TNFRSF11B: variants seen among roughly 807,000 people sequenced by gnomAD.
TNFRSF11B encodes TNF receptor superfamily member 11b.
In TNFRSF11B, 16 loss-of-function variants were observed where a neutral mutation model predicts 43.4. The ratio of observed to expected loss-of-function variants is 0.37; its 90% CI spans 0.25 to 0.56. The LOEUF (loss-of-function observed/expected upper bound fraction) is 0.56, where lower values mean the gene tolerates loss of function less well. Ranked by LOEUF, TNFRSF11B falls within the 20% of genes least tolerant of loss-of-function variation. The pLI, the probability that TNFRSF11B is intolerant of heterozygous loss-of-function variation, is 0.80. For missense variants in TNFRSF11B, 444 were observed against 490.1 expected (o/e 0.91, Z 0.89); for synonymous variants, 185 against 181.8 (o/e 1.02, Z -0.14).
chr8:118,950,085 AT>A (rs1441511412), intron 1 of TNFRSF11B, among the ~76,000 whole-genome samples: 1 of 152,244 alleles, frequency 6.6e-6, no homozygotes, highest in Non-Finnish European at 1.5e-5. Context: ...CAGACCACAT[AT>A]AAAAATATTT....
intron 3 of TNFRSF11B, 90 bp from the exon 4 acceptor site, chr8:118,926,808 C>T (rs1812251721): frequency 2.1e-5 from 26 of 1,215,472 alleles, no homozygotes; most frequent in South Asian, 1.7e-4. Context: ...AAAACCAACA[C>T]AATTGAATTT....
intron 1 of TNFRSF11B, among the ~76,000 whole-genome samples, chr8:118,945,926 G>A (rs1396154923): frequency 6.6e-6 from 1 of 152,076 alleles, no homozygotes; most frequent in Non-Finnish European, 1.5e-5. Context: ...CTGAATTGGA[G>A]TAGAAATCTT....
intron 1 of TNFRSF11B, among the ~76,000 whole-genome samples, chr8:118,946,339 G>A (rs567558510): frequency 1.3e-5 from 2 of 152,232 alleles, no homozygotes; most frequent in Admixed American, 6.5e-5. Context: ...TAGCTAATGT[G>A]TTGTAACACT....
intron 1 of TNFRSF11B, among the ~76,000 whole-genome samples, chr8:118,945,056 TAA>T (rs912991727): frequency 5.9e-5 from 9 of 152,166 alleles, no homozygotes; most frequent in African/African-American, 2.2e-4. Context: ...CTAAAATATA[TAA>T]GTCATACTAC....
chr8:118,944,072 G>GCTTACCCT (rs1158925492), intron 1 of TNFRSF11B, among the ~76,000 whole-genome samples: 7 of 152,248 alleles, frequency 4.6e-5, no homozygotes, highest in African/African-American at 1.7e-4. Flanking sequence ...AATGTTCTTT[G>GCTTACCCT]CAGTTGCTTA....
intron 1 of TNFRSF11B, among the ~76,000 whole-genome samples, chr8:118,949,527 A>G (rs185945145): frequency 3.2e-4 from 48 of 152,350 alleles, no homozygotes; most frequent in Non-Finnish European, 5.4e-4. Flanking sequence ...TCAAGAAGTA[A>G]CTTGGCCACA....
chr8:118,931,356 C>T (rs1812325725), intron 2 of TNFRSF11B, among the ~76,000 whole-genome samples: 1 of 152,142 alleles, frequency 6.6e-6, no homozygotes, highest in South Asian at 2.1e-4. Flanking sequence ...TCTGAGTCTT[C>T]TGGCTGCCTG....
chr8:118,950,465 T>C (rs1051202540), intron 1 of TNFRSF11B, among the ~76,000 whole-genome samples: 10 of 152,230 alleles, frequency 6.6e-5, no homozygotes, highest in African/African-American at 2.4e-4. Flanking sequence ...AATTCATCTA[T>C]GTTGTTCAAA....
intron 1 of TNFRSF11B, among the ~76,000 whole-genome samples, chr8:118,939,741 G>A (rs1812453790): frequency 6.6e-6 from 1 of 152,156 alleles, no homozygotes. Flanking sequence ...CTATGTATTG[G>A]GAACTCAGGA....
rs1394007356 is a variant in TNFRSF11B at position 118,951,884 on chromosome 8, C to T, written c.-63G>A. 9.6e-6 allele frequency: 14 copies of T among 1,454,594 alleles called. No individual in the cohort carries two copies. The highest frequency in any genetic ancestry group is 1.2e-5 in the Non-Finnish European group (13 of 1,057,800). The allele number at this position is 1,454,594 out of a possible 1,614,324, so 90.1% of individuals were successfully genotyped here. A position where few individuals can be genotyped will look rare whatever the true frequency, so the allele number is the denominator to read the frequency against. On this transcript the variant is annotated 5_prime_UTR_variant, in exon 1 of 5. Transcript: ENST00000297350. ...GCTGGGCGAGCGCTCCGGTGCGTCTCCGCAGCCCGTGCGCTCATCACGTTA... is the reference window on the plus strand; with the variant it reads ...GCTGGGCGAGCGCTCCGGTGCGTCTTCGCAGCCCGTGCGCTCATCACGTTA...
chr8:118,941,175 C>G (rs1427777797), intron 1 of TNFRSF11B, among the ~76,000 whole-genome samples: 1 of 152,148 alleles, frequency 6.6e-6, no homozygotes, highest in African/African-American at 2.4e-5. Flanking sequence ...TTTGTATGTA[C>G]TGTTCCATTT....
chr8:118,932,083 G>A (rs967999070), intron 2 of TNFRSF11B, among the ~76,000 whole-genome samples: 3 of 152,148 alleles, frequency 2.0e-5, no homozygotes, highest in Admixed American at 6.5e-5. Context: ...GAGAAACACT[G>A]CTTCAAACTG....
chr8:118,939,961 G>T (rs1481301238), intron 1 of TNFRSF11B, among the ~76,000 whole-genome samples: 1 of 152,112 alleles, frequency 6.6e-6, no homozygotes, highest in Non-Finnish European at 1.5e-5. Context: ...TTTTAAAAAG[G>T]GTGCTAAGTG....
chr8:118,926,795 C>A (rs1441418637), intron 3 of TNFRSF11B, 77 bp from the exon 4 acceptor site: 9 of 1,301,146 alleles, frequency 6.9e-6, no homozygotes, highest in Admixed American at 6.0e-5. Context: ...CAAACAAAAA[C>A]AAAAAACCAA....
chr8:118,951,047 A>G (rs1177564323), intron 1 of TNFRSF11B, among the ~76,000 whole-genome samples: 1 of 152,200 alleles, frequency 6.6e-6, no homozygotes. Flanking sequence ...TCAAAACCTA[A>G]GCTTAAAAAA....
chr8:118,931,594 C>T (rs1015121645), intron 2 of TNFRSF11B, among the ~76,000 whole-genome samples: 8 of 152,148 alleles, frequency 5.3e-5, no homozygotes, highest in Admixed American at 5.2e-4. Context: ...CTCAAAGTAC[C>T]ATCCAATAGA....
At chr8:118,946,903 A>T (rs1812570451) in intron 1 of TNFRSF11B, among the ~76,000 whole-genome samples, 1 of 152,192 alleles carries the variant, frequency 6.6e-6, no homozygotes. Flanking sequence ...TTGATGTCCA[A>T]ACCCACCATC....
rs149902017 is a variant in TNFRSF11B at position 118,940,266 on chromosome 8, G to A, written c.31-6966C>T. Among the ~76,000 whole-genome samples the A allele has an allele frequency of 7.9e-5, 12 of 152,186 alleles. No individual in the cohort carries two copies. In the East Asian group the frequency reaches 9.7e-4, roughly 12 times the overall value. ...GATGGGTGCAGCAAACCAACATGGC[G>A]CATGTATACCTATGTATCAAACCTG... On this transcript the variant is annotated intron_variant, in intron 1 of 4. Coordinates refer to ENST00000297350, the MANE Select transcript of TNFRSF11B (RefSeq NM_002546.4).
At chr8:118,938,635 A>G (rs944901787) in intron 1 of TNFRSF11B, among the ~76,000 whole-genome samples, 16 of 152,192 alleles carry the variant, frequency 1.1e-4, no homozygotes, top group African/African-American at 3.1e-4. Context: ...GCATAGAGTT[A>G]GAAGATCACC....
Sources: gnomAD v4.1 joint callset for allele counts (sites outside exome capture counted in the v4.1 genomes callset) on GRCh38, gnomAD v4.1.1 for gene constraint, MANE v1.5 for transcripts, NCBI Gene and HGNC (gene_info 2026-07-23, HGNC 2026-07-21) for gene names.